The following OPCML variants were observed in gnomAD, a reference collection of about 807,000 sequenced individuals.
OPCML encodes the protein opioid-binding protein/cell adhesion molecule.
A neutral mutation model predicts 37.8 loss-of-function variants in OPCML; 13 were observed. That is an observed-to-expected ratio of 0.34 (90% CI 0.22 to 0.55). OPCML has a LOEUF of 0.55. Ranked by LOEUF, OPCML falls within the 20% of genes least tolerant of loss-of-function variation. The probability of loss-of-function intolerance (pLI) is 0.91; values close to 1 mark genes in which losing one functional copy is unlikely to be tolerated. For synonymous variants in OPCML, 176 were observed against 168.8 expected, an observed-to-expected ratio of 1.04 and a Z score of -0.33; for missense variants, 341 against 435.6, an observed-to-expected ratio of 0.78 and a Z score of 1.93.
At chr11:133,449,029 G>C (rs938902633) in intron 1 of OPCML, among the ~76,000 whole-genome samples, 1 of 152,146 alleles carries the variant, frequency 6.6e-6, no homozygotes, top group Admixed American at 6.5e-5. Context: ...TAATTAACAA[G>C]TATTAGTTTA....
Position 133,055,769 on chromosome 11 carries a change from T to C in OPCML, c.62-112759A>G, listed in dbSNP as rs569181880. Among the ~76,000 whole-genome samples the C allele has an allele frequency of 2.6e-5, 4 of 150,970 alleles. No homozygotes were observed. In the East Asian group the frequency reaches 7.9e-4, roughly 30 times the overall value. ...GATACTTCCAAGTAGTGAGACTCCA[T>C]GAGGGAGCCACCTCTACTGTACAAT... On this transcript the variant is annotated intron_variant, in intron 1 of 7. Coordinates refer to ENST00000524381, the MANE Select transcript of OPCML (RefSeq NM_001012393.5).
intron 1 of OPCML, among the ~76,000 whole-genome samples, chr11:133,023,928 C>T (rs1310126417): frequency 6.6e-6 from 1 of 152,136 alleles, no homozygotes; most frequent in Non-Finnish European, 1.5e-5. Context: ...CCATTCTATG[C>T]ATCATAAGGT....
chr11:133,099,178 A>C (rs1480298900), intron 1 of OPCML, among the ~76,000 whole-genome samples: 2 of 152,214 alleles, frequency 1.3e-5, no homozygotes, highest in African/African-American at 4.8e-5. Context: ...ATATCAAAGA[A>C]AAACTAAATA....
intron 1 of OPCML, among the ~76,000 whole-genome samples, chr11:133,482,195 G>A (rs1947387178): frequency 3.3e-5 from 5 of 152,108 alleles, no homozygotes; most frequent in Admixed American, 6.5e-5. Flanking sequence ...TAGATCAATG[G>A]TGGTGAGAGG....
intron 1 of OPCML, among the ~76,000 whole-genome samples, chr11:133,425,980 A>G (rs560352214): frequency 2.0e-5 from 3 of 152,274 alleles, no homozygotes; most frequent in Non-Finnish European, 4.4e-5. Flanking sequence ...ATTTTCATCA[A>G]TTTGTGCTAG....
intron 3 of OPCML, among the ~76,000 whole-genome samples, chr11:132,572,136 T>C (rs2096440170): frequency 2.6e-5 from 4 of 151,916 alleles, no homozygotes; most frequent in Admixed American, 2.6e-4. Context: ...TATTGAGTTG[T>C]ACGAGTTCTT....
At chr11:132,722,666 C>A (rs929144240) in intron 2 of OPCML, among the ~76,000 whole-genome samples, 2 of 152,054 alleles carry the variant, frequency 1.3e-5, no homozygotes, top group Non-Finnish European at 2.9e-5. Context: ...AGCTATCTAT[C>A]ATGTCTCCTT....
chr11:133,063,331 A>T (rs1286531593), intron 1 of OPCML, among the ~76,000 whole-genome samples: 2 of 152,036 alleles, frequency 1.3e-5, no homozygotes, highest in Non-Finnish European at 2.9e-5. Flanking sequence ...TAAACCCAAC[A>T]GACTAGACAG....
chr11:133,080,587 G>A (rs1195264895), intron 1 of OPCML, among the ~76,000 whole-genome samples: 2 of 151,718 alleles, frequency 1.3e-5, no homozygotes, highest in African/African-American at 2.4e-5. Flanking sequence ...CCCAGGTCTG[G>A]GGTGCCATAT....
At chr11:132,462,787 G>A (rs2512716) in intron 4 of OPCML, among the ~76,000 whole-genome samples, 69,867 of 152,104 alleles carry the variant, frequency 0.46, 17,766 homozygotes, top group East Asian at 0.86. Flanking sequence ...CAGAAAGAGG[G>A]TGGCTGGTAA....
chr11:133,340,292 G>T (rs190964873), intron 1 of OPCML, among the ~76,000 whole-genome samples: 1 of 152,226 alleles, frequency 6.6e-6, no homozygotes, highest in Admixed American at 6.5e-5. Flanking sequence ...AGTATGCAGT[G>T]GAATGCTGAC....
intron 4 of OPCML, among the ~76,000 whole-genome samples, chr11:132,450,153 G>A (rs2096065015): frequency 6.6e-6 from 1 of 152,200 alleles, no homozygotes. Context: ...GGGTCTTCAT[G>A]TGCTTCCTCA....
chr11:132,987,213 A>T (rs536645563), intron 1 of OPCML, among the ~76,000 whole-genome samples: 2 of 152,140 alleles, frequency 1.3e-5, no homozygotes, highest in Non-Finnish European at 2.9e-5. Context: ...GAGGGCAATG[A>T]GATGAAAATT....
intron 1 of OPCML, among the ~76,000 whole-genome samples, chr11:133,184,541 A>G (rs1937987565): frequency 6.6e-6 from 1 of 152,140 alleles, no homozygotes; most frequent in African/African-American, 2.4e-5. Flanking sequence ...TGGCAGAAAC[A>G]TCTGTGCCTT....
chr11:133,024,151 G>A (rs1947504384), intron 1 of OPCML, among the ~76,000 whole-genome samples: 1 of 152,168 alleles, frequency 6.6e-6, no homozygotes, highest in African/African-American at 2.4e-5. Flanking sequence ...TTACAGACAT[G>A]CATAAAAACA....
intron 2 of OPCML, among the ~76,000 whole-genome samples, chr11:132,757,781 T>G (rs909609274): frequency 6.6e-6 from 1 of 152,260 alleles, no homozygotes; most frequent in Non-Finnish European, 1.5e-5. Context: ...TCTTTTGCTG[T>G]GCAGAAACTC....
intron 1 of OPCML, among the ~76,000 whole-genome samples, chr11:133,425,911 T>A (rs1439743759): frequency 1.3e-5 from 2 of 152,214 alleles, no homozygotes; most frequent in Non-Finnish European, 2.9e-5. Context: ...GACCTTTTCC[T>A]GTATAACAAT....
chr11:133,281,237 C>A (rs1304717887), intron 1 of OPCML, among the ~76,000 whole-genome samples: 3 of 152,068 alleles, frequency 2.0e-5, no homozygotes, highest in African/African-American at 7.2e-5. Flanking sequence ...AATATGATCC[C>A]CAATGTTGGA....
chr11:133,314,089 G>A (rs12278322), intron 1 of OPCML, among the ~76,000 whole-genome samples: 1 of 143,290 alleles, frequency 7.0e-6, no homozygotes, highest in Non-Finnish European at 1.5e-5. Flanking sequence ...CAAAAAATTA[G>A]CCGGGCGTAG....
Sources: gnomAD v4.1 joint callset for allele counts (sites outside exome capture counted in the v4.1 genomes callset) on GRCh38, gnomAD v4.1.1 for gene constraint, MANE v1.5 for transcripts, NCBI Gene and HGNC (gene_info 2026-07-23, HGNC 2026-07-21) for gene names.